The following MAPRE1 variants were observed in gnomAD, a reference collection of about 807,000 sequenced individuals.
MAPRE1 encodes microtubule-associated protein RP/EB family member 1.
MAPRE1 carries 5 observed loss-of-function variants against 32.1 expected under a neutral mutation model. The ratio of observed to expected loss-of-function variants is 0.16; its 90% CI spans 0.08 to 0.33. The LOEUF (loss-of-function observed/expected upper bound fraction) is 0.33, where lower values mean the gene tolerates loss of function less well. Ranked by LOEUF, MAPRE1 falls within the 10% of genes least tolerant of loss-of-function variation. The pLI is 1.00. For missense variants in MAPRE1, 209 were observed against 327.2 expected (o/e 0.64, Z 2.79); for synonymous variants, 122 against 118.9 (o/e 1.03, Z -0.17).
intron 5 of MAPRE1, among the ~76,000 whole-genome samples, chr20:32,845,729 C>T (rs1601173311): frequency 6.6e-6 from 1 of 152,138 alleles, no homozygotes; most frequent in East Asian, 1.9e-4. Context: ...GCAATTCTCC[C>T]GACTCAGCCT....
At chr20:32,846,263 T>G (rs1983502944) in intron 5 of MAPRE1, among the ~76,000 whole-genome samples, 1 of 152,140 alleles carries the variant, frequency 6.6e-6, no homozygotes, top group African/African-American at 2.4e-5. Flanking sequence ...GACCTGGACT[T>G]GATTGTCCAG....
At chr20:32,832,807 CTTTTTTTTTT>C (rs35277682) in intron 2 of MAPRE1, among the ~76,000 whole-genome samples, 3 of 58,748 alleles carry the variant, frequency 5.1e-5, no homozygotes, top group African/African-American at 7.7e-5. Flanking sequence ...CAGAGTTTCG[CTTTTTTTTTT>C]TTTTTTTTTT....
chr20:32,843,538 A>G (rs1438960018), intron 5 of MAPRE1: 1 of 152,238 alleles, frequency 6.6e-6, no homozygotes, highest in African/African-American at 2.4e-5. Context: ...GAAATAGGTA[A>G]AATTAATTTT....
chr20:32,825,149 C>CAA (rs542454683), intron 1 of MAPRE1, among the ~76,000 whole-genome samples: 6,823 of 81,216 alleles, frequency 0.084, 185 homozygotes, highest in Middle Eastern at 0.11. Context: ...AAGACTGTCT[C>CAA]AAAAAAAAAA....
chr20:32,839,988 C>A, intron 5 of MAPRE1, 132 bp downstream of exon 5: 1 of 1,274,278 alleles, frequency 7.8e-7, no homozygotes, highest in Non-Finnish European at 1.1e-6. Flanking sequence ...CACGTGTGAG[C>A]CTCAGGTGCT....
At chr20:32,819,839 C>T (rs530059530), upstream of MAPRE1, 14 of 152,096 alleles carry the variant, frequency 9.2e-5, no homozygotes, top group African/African-American at 3.4e-4. Flanking sequence ...AGCTCCGCCC[C>T]CGGCGCGCGG....
At chr20:32,835,233 A>T (rs528313920) in intron 3 of MAPRE1, among the ~76,000 whole-genome samples, 2 of 152,342 alleles carry the variant, frequency 1.3e-5, no homozygotes, top group Admixed American at 1.3e-4. Flanking sequence ...TCTAAAAAAG[A>T]TTAAAAAGTT....
intron 2 of MAPRE1, among the ~76,000 whole-genome samples, chr20:32,830,850 A>G (rs940802116): frequency 1.3e-4 from 19 of 151,802 alleles, no homozygotes; most frequent in Non-Finnish European, 1.8e-4. Context: ...CAGCCTCCCA[A>G]GTAGCTGGGA....
In MAPRE1 at chr20:32,849,848, A is replaced by G. The variant is rs1983600381; in HGVS notation, c.*1120A>G. On this transcript the variant is annotated 3_prime_UTR_variant, in exon 7 of 7. Transcript: ENST00000375571. ...TTCACAGCTCTCCACTGTAATCCGA[A>G]TACTTTGCCAGTGCACTAATCTCTT... The G allele has an allele frequency of 6.6e-6, 1 of 152,652 alleles. No individual in the cohort carries two copies. The highest frequency in any genetic ancestry group is 6.5e-5 in the Admixed American group (1 of 15,280). 9.5% of individuals were successfully genotyped at this position (152,652 alleles called of 1,614,324 possible).
chr20:32,820,745 A>G (rs2146117807), intron 1 of MAPRE1, among the ~76,000 whole-genome samples: 1 of 152,282 alleles, frequency 6.6e-6, no homozygotes, highest in South Asian at 2.1e-4. Flanking sequence ...GATGGTATCA[A>G]CAGTGCTAGT....
chr20:32,833,861 A>G lies in MAPRE1; in HGVS notation c.266A>G (p.Lys89Arg). Reference protein sequence around the residue: ...QAGFKRMGVDKIIPVDKLVKG... With the variant: ...QAGFKRMGVDRIIPVDKLVKG... Reference sequence around the variant, plus strand: ...GGTTTTAAGAGAATGGGTGTTGACAAAGTAAGTAAACGTTATCTTTTATTG... The same window carrying G: ...GGTTTTAAGAGAATGGGTGTTGACAGAGTAAGTAAACGTTATCTTTTATTG... Residue 89 changes from lysine (K) to arginine (R), a missense_variant and splice_region_variant, in exon 3 of 7, where the codon AAA becomes AGA. Around this residue, in one of 3 missense-constraint regions of MAPRE1, gnomAD observed 67 missense variants for 140.0 expected, o/e 0.48. Coordinates refer to ENST00000375571, the MANE Select transcript of MAPRE1 (RefSeq NM_012325.3). 1.9e-6 allele frequency: 3 copies of G among 1,612,700 alleles called. No individual in the cohort carries two copies. The highest frequency in any genetic ancestry group is 2.5e-6 in the Non-Finnish European group (3 of 1,178,990).
chr20:32,826,279 C>T (rs543466526), intron 2 of MAPRE1, among the ~76,000 whole-genome samples: 3 of 145,286 alleles, frequency 2.1e-5, no homozygotes, highest in Non-Finnish European at 4.5e-5. Context: ...TGCAGTGGCG[C>T]GATCTCGGCT....
chr20:32,821,404 A>T (rs181519285), intron 1 of MAPRE1, among the ~76,000 whole-genome samples: 481 of 152,258 alleles, frequency 3.2e-3, no homozygotes, highest in Non-Finnish European at 5.2e-3. Flanking sequence ...CTGAACCCCC[A>T]CCTGGGACTT....
intron 3 of MAPRE1, among the ~76,000 whole-genome samples, 173 bp downstream of exon 3, chr20:32,834,035 C>G (rs1024107804): frequency 1.3e-5 from 2 of 152,170 alleles, no homozygotes; most frequent in African/African-American, 2.4e-5. Flanking sequence ...CTTCTTGCCC[C>G]TATTCCCCTT....
intron 2 of MAPRE1, among the ~76,000 whole-genome samples, chr20:32,829,323 A>G (rs574305094): frequency 1.2e-4 from 18 of 152,366 alleles, no homozygotes; most frequent in African/African-American, 4.3e-4. Context: ...AAACTTGTTC[A>G]TTCATAACTA....
intron 2 of MAPRE1, among the ~76,000 whole-genome samples, chr20:32,831,850 T>C (rs1453576790): frequency 2.6e-5 from 4 of 151,722 alleles, no homozygotes; most frequent in Admixed American, 2.6e-4. Context: ...TTCTTTTTTT[T>C]AATTGTGTAA....
At chr20:32,846,556 T>C (rs1983510499) in intron 5 of MAPRE1, 62 bp from the exon 6 acceptor site, 1 of 1,519,498 alleles carries the variant, frequency 6.6e-7, no homozygotes, top group East Asian at 2.3e-5. Context: ...GTTAGAAGTC[T>C]GCCTGATATT....
Position 32,848,842 on chromosome 20 carries a change from A to G in MAPRE1, c.*114A>G, listed in dbSNP as rs1983575529. The G allele has an allele frequency of 3.7e-6, 3 of 812,376 alleles. No individual in the cohort carries two copies. The East Asian group carries it at 8.5e-5, about 23-fold the overall frequency. 50.3% of individuals were successfully genotyped at this position (812,376 alleles called of 1,614,324 possible). ...ACTCACTGGTTTCTTTTCATAAGCA[A>G]AAAGTACCTCTTCTTAAAGTGCACT... On this transcript the variant is annotated 3_prime_UTR_variant, in exon 7 of 7. Coordinates refer to ENST00000375571, the MANE Select transcript of MAPRE1 (RefSeq NM_012325.3).
chr20:32,824,077 C>G lies in MAPRE1; in HGVS notation c.-3-1848C>G, dbSNP rs950881610. 8.5e-5 allele frequency among the ~76,000 whole-genome samples: 13 copies of G among 152,150 alleles called. No individual in the cohort carries two copies. The East Asian group carries it at 2.5e-3, about 29-fold the overall frequency. ...AGAGAGGCTTCCTCTGACCACATTC[C>G]GTAAACCCCGTTGCATAAGTGGTTG... is the stretch of plus-strand genomic sequence containing the variant. On this transcript the variant is annotated intron_variant, in intron 1 of 6. Transcript: ENST00000375571.
Sources: allele counts gnomAD v4.1 joint callset (sites outside exome capture counted in the v4.1 genomes callset), GRCh38; gene constraint gnomAD v4.1.1; regional missense constraint gnomAD v4.1.1; transcripts MANE v1.5; gene names NCBI Gene and HGNC (gene_info 2026-07-23, HGNC 2026-07-21).